PLPP2: variants seen among roughly 807,000 people sequenced by gnomAD.
PLPP2 encodes PAP2-gamma.
Under a neutral mutation model 35.2 loss-of-function variants are expected in PLPP2, and 29 were observed. That is an observed-to-expected ratio of 0.82 (90% CI 0.61 to 1.12). The LOEUF (loss-of-function observed/expected upper bound fraction) is 1.12, where lower values mean the gene tolerates loss of function less well. PLPP2 is among the 50% of genes most tolerant of loss of function. The pLI is 0.00. For missense variants in PLPP2, 353 were observed against 375.2 expected, an observed-to-expected ratio of 0.94 and a Z score of 0.49; for synonymous variants, 162 against 167.0, an observed-to-expected ratio of 0.97 and a Z score of 0.23.
intron 1 of PLPP2, 200 bp from the exon 2 acceptor site, chr19:288,371 A>C (rs928399254): frequency 1.1e-5 from 5 of 451,034 alleles, no homozygotes; most frequent in Non-Finnish European, 1.5e-5. Context: ...TCTGCCCCTC[A>C]CATCCTGGCA....
Position 287,322 on chromosome 19 carries a change from A to G in PLPP2, c.482+152T>C, listed in dbSNP as rs72982364. The G allele has an allele frequency of 1.0e-6, 1 of 958,846 alleles. No homozygotes were observed. Among genetic ancestry groups the G allele is most frequent in the Non-Finnish European group, 1.5e-6 (1 of 648,620 alleles). The allele number at this position is 958,846 out of a possible 1,614,324, so 59.4% of individuals were successfully genotyped here. ...TACAACATGGATGAACTTCAAAAAC[A>G]TACAAGAATGCACTAACTTATACAA... On this transcript the variant is annotated intron_variant, in intron 3 of 5. Coordinates refer to ENST00000434325, the MANE Select transcript of PLPP2 (RefSeq NM_003712.4). The surrounding 1 kb of genome is among the most constrained non-coding windows in gnomAD (Gnocchi z 4.3).
Position 286,164 on chromosome 19 carries a change from GAA to G in PLPP2, c.482+1308_482+1309del, listed in dbSNP as rs34880439. ...CAGACTCTGTCTCAAAAAAAAAAAA[GAA>G]AAAAAAAAAAGATTATTTACCCTGA... is the stretch of plus-strand genomic sequence containing the variant. On this transcript the variant is annotated intron_variant, in intron 3 of 5. Transcript: ENST00000434325. The G allele has an allele frequency of 1.6e-4, 22 of 140,286 alleles. No individual in the cohort carries two copies. In the South Asian group the frequency reaches 2.7e-3, roughly 17 times the overall value. 8.7% of individuals were successfully genotyped at this position (140,286 alleles called of 1,614,324 possible).
intron 3 of PLPP2, chr19:286,231 G>C (rs916920955): frequency 6.6e-6 from 1 of 152,014 alleles, no homozygotes; most frequent in African/African-American, 2.4e-5. Context: ...CAGCACTTTG[G>C]GAGGCTGAGG....
Position 290,979 on chromosome 19 carries a change from G to GGC in PLPP2, c.52+304_52+305dup, listed in dbSNP as rs753002837. The GGC allele has an allele frequency of 9.8e-5, 122 of 1,249,380 alleles. No individual in the cohort carries two copies. In the African/African-American group the frequency reaches 1.0e-3, roughly 11 times the overall value. 77.4% of individuals were successfully genotyped at this position (1,249,380 alleles called of 1,614,324 possible). ...CCCAGGCCAGGCGGGGCGGGATGGA[G>GGC]GCGCGCGCGCGGCCCCTCCGCACAG... On this transcript the variant is annotated intron_variant, in intron 1 of 5. Transcript: ENST00000434325.
Position 288,087 on chromosome 19 carries a change from G to A in PLPP2, c.137C>T (p.Pro46Leu), listed in dbSNP as rs375803901. Residue 46 changes from proline to leucine, a missense_variant, in exon 2 of 6, where the codon CCC (proline) becomes CTC (leucine). Physicochemically the swap from Pro to Leu is moderately conservative, Grantham distance 98. Transcript: ENST00000434325. ...FYCGDDSIRYPYRPDTITHGL... is the reference protein window; with the variant it reads ...FYCGDDSIRYLYRPDTITHGL... ...GTGGGTGATGGTATCTGGACGGTAG[G>A]GGTACCGGATGGAGTCATCCCCGCA... The A allele has an allele frequency of 1.9e-5, 31 of 1,613,658 alleles. 1 individual carries two copies. In the Middle Eastern group the frequency reaches 5.0e-4, roughly 26 times the overall value.
chr19:289,805 G>T lies in PLPP2; in HGVS notation c.52+1480C>A, dbSNP rs76988907. Among the ~76,000 whole-genome samples, 800 of 152,286 alleles carry T rather than the reference G, an allele frequency of 5.3e-3. 11 individuals carry two copies. Among genetic ancestry groups the T allele is most frequent in the African/African-American group, 0.017 (722 of 41,556 alleles). On this transcript the variant is annotated intron_variant, in intron 1 of 5. Coordinates refer to ENST00000434325, the MANE Select transcript of PLPP2 (RefSeq NM_003712.4). ...CTTCTGCTCCCACACAGGAGGGGCT[G>T]GAGCTGCTGTGAAGGGAGAGGCCTT...
At chr19:288,312 T>A in intron 1 of PLPP2, 141 bp from the exon 2 acceptor site, 1 of 769,620 alleles carries the variant, frequency 1.3e-6, no homozygotes, top group Non-Finnish European at 2.0e-6. Flanking sequence ...ACAGCCCAAA[T>A]AACACTCCCT....
chr19:291,217 TG>T, intron 1 of PLPP2, 67 bp downstream of exon 1: 1 of 1,588,824 alleles, frequency 6.3e-7, no homozygotes, highest in Non-Finnish European at 8.6e-7. Context: ...CCTGCAAACT[TG>T]CGCGCAGCCG....
intron 3 of PLPP2, 23 bp from the exon 4 acceptor site, chr19:282,832 T>G (rs1600077416): frequency 6.2e-7 from 1 of 1,611,452 alleles, no homozygotes; most frequent in Non-Finnish European, 8.5e-7. Flanking sequence ...AAGGGGCAGG[T>G]GGCTCACTCA....
chr19:282,012 A>T (rs1568200055), intron 5 of PLPP2, 122 bp downstream of exon 5: 2 of 1,106,662 alleles, frequency 1.8e-6, no homozygotes, highest in Non-Finnish European at 2.6e-6. Flanking sequence ...CCCAGGGAGG[A>T]CTGACAGGGA....
At chr19:289,242 A>T (rs1447123711) in intron 1 of PLPP2, among the ~76,000 whole-genome samples, 1 of 152,218 alleles carries the variant, frequency 6.6e-6, no homozygotes, top group Non-Finnish European at 1.5e-5. Flanking sequence ...CAGCAGGGCA[A>T]GTACAAAAGG....
intron 3 of PLPP2, chr19:283,172 C>T: frequency 5.0e-6 from 1 of 199,120 alleles, no homozygotes; most frequent in Non-Finnish European, 1.0e-5. Context: ...TATATAAATT[C>T]AAGATTCGGT....
intron 5 of PLPP2, 136 bp downstream of exon 5, chr19:281,998 G>T: frequency 1.0e-6 from 1 of 973,382 alleles, no homozygotes; most frequent in Non-Finnish European, 1.5e-6. Context: ...TTGGGGGAAG[G>T]GGTCCCAGGG....
At chr19:285,625 A>G (rs1350677967) in intron 3 of PLPP2, 1 of 150,814 alleles carries the variant, frequency 6.6e-6, no homozygotes, top group Non-Finnish European at 1.5e-5. Flanking sequence ...AAAGGAGAAA[A>G]AAAACATTAT....
intron 4 of PLPP2, 70 bp downstream of exon 4, chr19:282,682 T>C: frequency 6.7e-7 from 1 of 1,493,968 alleles, no homozygotes; most frequent in East Asian, 2.3e-5. Context: ...CTGGAAAAAC[T>C]GAGGTCCAGG....
intron 3 of PLPP2, 32 bp from the exon 4 acceptor site, chr19:282,841 C>G: frequency 6.2e-7 from 1 of 1,602,026 alleles, no homozygotes; most frequent in South Asian, 1.1e-5. Flanking sequence ...GTGGCTCACT[C>G]AGCGCCTTCC....
chr19:281,467 C>A lies in PLPP2; in HGVS notation c.788G>T (p.Arg263Leu). ...CAACGTCAGTGACAGGCTGGGCTTC[C>A]GTTCCAGCTCCTCCTCCTTCAGACA... The part of the protein sequence containing the change: ...QHCLKEEELE[R>L]KPSLSLTLTL... Residue 263 changes from arginine to leucine, a missense_variant, in exon 6 of 6, where the codon CGG (arginine) becomes CTG (leucine). Transcript: ENST00000434325. The A allele has an allele frequency of 1.3e-6, 2 of 1,558,948 alleles. No individual in the cohort carries two copies. Among genetic ancestry groups the A allele is most frequent in the Non-Finnish European group, 1.7e-6 (2 of 1,151,128 alleles).
At chr19:281,631 T>G in intron 5 of PLPP2, 94 bp from the exon 6 acceptor site, 3 of 1,214,468 alleles carry the variant, frequency 2.5e-6, no homozygotes, top group Non-Finnish European at 2.2e-6. Flanking sequence ...GGGTCCCAGG[T>G]GGGAGCGAGG....
chr19:281,649 G>A, intron 5 of PLPP2, 112 bp from the exon 6 acceptor site: 2 of 1,058,230 alleles, frequency 1.9e-6, no homozygotes, highest in South Asian at 2.3e-5. Context: ...AGGGGCCTAG[G>A]TGGGAAATGA....
Sources: gnomAD v4.1 joint callset for allele counts (sites outside exome capture counted in the v4.1 genomes callset) on GRCh38, gnomAD v4.1.1 for gene constraint, Gnocchi (gnomAD v3.1) non-coding constraint, MANE v1.5 for transcripts, NCBI Gene and HGNC (gene_info 2026-07-23, HGNC 2026-07-21) for gene names.